CNTNAP2: variants seen among roughly 807,000 people sequenced by gnomAD.
CNTNAP2 encodes contactin-associated protein-like 2.
Under a neutral mutation model 155.2 loss-of-function variants are expected in CNTNAP2, and 98 were observed. The ratio of observed to expected loss-of-function variants is 0.63; its 90% CI spans 0.54 to 0.75. The LOEUF (loss-of-function observed/expected upper bound fraction) is 0.75, where lower values mean the gene tolerates loss of function less well. CNTNAP2 is among the 30% of genes least tolerant of loss of function. The pLI is 0.00. For synonymous variants in CNTNAP2, 651 were observed against 631.2 expected, an observed-to-expected ratio of 1.03 and a Z score of -0.47; for missense variants, 1,727 against 1,688.1, an observed-to-expected ratio of 1.02 and a Z score of -0.40.
At chr7:147,516,784 T>G (rs1799135378) in intron 11 of CNTNAP2, among the ~76,000 whole-genome samples, 1 of 151,772 alleles carries the variant, frequency 6.6e-6, no homozygotes, top group Admixed American at 6.6e-5. Context: ...ATCATATAGC[T>G]AGATACAACC....
chr7:146,819,295 A>G (rs1392799191), intron 2 of CNTNAP2, among the ~76,000 whole-genome samples: 1 of 152,172 alleles, frequency 6.6e-6, no homozygotes. Flanking sequence ...AGTAATGCAG[A>G]TTCCATGACT....
intron 13 of CNTNAP2, among the ~76,000 whole-genome samples, chr7:147,841,964 A>T (rs2116653245): frequency 6.8e-6 from 1 of 148,034 alleles, no homozygotes; most frequent in East Asian, 2.0e-4. Context: ...TTAAATTATA[A>T]ACCAAACTGA....
intron 9 of CNTNAP2, among the ~76,000 whole-genome samples, chr7:147,380,064 A>G (rs1303697719): frequency 1.3e-5 from 2 of 152,122 alleles, no homozygotes; most frequent in Non-Finnish European, 2.9e-5. Context: ...GTCCTAGGAA[A>G]TGTAATCCTT....
chr7:147,407,005 C>T (rs757911177), intron 10 of CNTNAP2, among the ~76,000 whole-genome samples: 1 of 152,112 alleles, frequency 6.6e-6, no homozygotes, highest in African/African-American at 2.4e-5. Flanking sequence ...TGGCATAGTC[C>T]CAGACAGGCT....
At chr7:146,558,521 A>G (rs1221793999) in intron 1 of CNTNAP2, among the ~76,000 whole-genome samples, 1 of 152,094 alleles carries the variant, frequency 6.6e-6, no homozygotes, top group Non-Finnish European at 1.5e-5. Flanking sequence ...CCATCACCAC[A>G]ATCTGTCATA....
chr7:148,172,182 A>G, intron 17 of CNTNAP2, 60 bp from the exon 18 acceptor site: 1 of 1,524,214 alleles, frequency 6.6e-7, no homozygotes, highest in Non-Finnish European at 9.0e-7. Flanking sequence ...TCAAAATATG[A>G]AGAATTAAGC....
intron 13 of CNTNAP2, among the ~76,000 whole-genome samples, chr7:147,720,796 T>G (rs927016637): frequency 6.6e-6 from 1 of 152,204 alleles, no homozygotes; most frequent in East Asian, 1.9e-4. Flanking sequence ...TGTGAGTTAG[T>G]TAAACCTCTT....
intron 15 of CNTNAP2, among the ~76,000 whole-genome samples, chr7:148,030,904 G>A (rs541024063): frequency 2.4e-4 from 37 of 152,240 alleles, no homozygotes; most frequent in African/African-American, 8.4e-4. Flanking sequence ...GCGGAAGCAC[G>A]TAGCGTAAAA....
chr7:148,267,594 G>A (rs1796694906), intron 21 of CNTNAP2, among the ~76,000 whole-genome samples: 1 of 149,446 alleles, frequency 6.7e-6, no homozygotes, highest in African/African-American at 2.5e-5. Context: ...GGTGGAGGTT[G>A]CAGTGAGCCA....
In CNTNAP2 at chr7:146,395,921, G is replaced by T. The variant is rs1584905276; in HGVS notation, c.97+278948G>T. 2.6e-5 allele frequency among the ~76,000 whole-genome samples: 4 copies of T among 151,510 alleles called. No homozygotes were observed. The South Asian group carries it at 8.3e-4, about 31-fold the overall frequency. On this transcript the variant is annotated intron_variant, in intron 1 of 23. Coordinates refer to ENST00000361727, the MANE Select transcript of CNTNAP2 (RefSeq NM_014141.6). ...CAAAAATGAGTATCTCAGAAAGGCA[G>T]ATTTAGGGACCACTAAGATTTTAAG...
intron 3 of CNTNAP2, among the ~76,000 whole-genome samples, chr7:146,893,411 A>G (rs891628318): frequency 6.6e-6 from 1 of 151,638 alleles, no homozygotes; most frequent in African/African-American, 2.4e-5. Context: ...TTACATATAT[A>G]CATATATGTA....
At chr7:148,410,565 CAAAAAAA>C (rs56258191) in intron 23 of CNTNAP2, among the ~76,000 whole-genome samples, 4 of 112,868 alleles carry the variant, frequency 3.5e-5, no homozygotes, top group South Asian at 3.0e-4. Context: ...AGACCTTTCT[CAAAAAAA>C]AAAAAAAAAA....
At chr7:147,629,843 C>A (rs1397443756) in intron 12 of CNTNAP2, among the ~76,000 whole-genome samples, 1 of 151,818 alleles carries the variant, frequency 6.6e-6, no homozygotes, top group Non-Finnish European at 1.5e-5. Flanking sequence ...GAGGAAAATT[C>A]ATAGCATTAA....
chr7:148,142,538 C>G (rs1476654872), intron 16 of CNTNAP2, among the ~76,000 whole-genome samples: 3 of 152,166 alleles, frequency 2.0e-5, no homozygotes, highest in Non-Finnish European at 4.4e-5. Context: ...AGCTGCCACC[C>G]CTCGAACCTT....
intron 3 of CNTNAP2, among the ~76,000 whole-genome samples, chr7:146,895,049 T>G (rs1254418110): frequency 6.6e-6 from 1 of 152,098 alleles, no homozygotes; most frequent in Non-Finnish European, 1.5e-5. Context: ...ACAGGGACAG[T>G]TTTTCCTTCT....
intron 15 of CNTNAP2, among the ~76,000 whole-genome samples, chr7:148,000,729 G>A (rs574942278): frequency 5.4e-4 from 82 of 152,264 alleles, no homozygotes; most frequent in African/African-American, 1.8e-3. Flanking sequence ...GTGCCATTAC[G>A]GGCTGAGGAC....
chr7:148,234,934 A>G (rs1796020104), intron 20 of CNTNAP2, among the ~76,000 whole-genome samples: 2 of 152,204 alleles, frequency 1.3e-5, no homozygotes, highest in South Asian at 2.1e-4. Context: ...AGGATGTATC[A>G]TTTTGGCTTT....
intron 8 of CNTNAP2, among the ~76,000 whole-genome samples, chr7:147,234,560 C>T (rs1224766024): frequency 1.3e-5 from 2 of 151,942 alleles, no homozygotes; most frequent in Non-Finnish European, 2.9e-5. Context: ...AGGATGGTCT[C>T]GATCTCCTGA....
intron 13 of CNTNAP2, among the ~76,000 whole-genome samples, chr7:147,833,848 T>C (rs538181797): frequency 2.6e-5 from 4 of 152,026 alleles, no homozygotes; most frequent in Non-Finnish European, 5.9e-5. Context: ...GGAGAGATCA[T>C]AGAATGAGGT....
Sources: gnomAD v4.1 joint callset for allele counts (sites outside exome capture counted in the v4.1 genomes callset) on GRCh38, gnomAD v4.1.1 for gene constraint, MANE v1.5 for transcripts, NCBI Gene and HGNC (gene_info 2026-07-23, HGNC 2026-07-21) for gene names.